The following GNAQ variants were observed in gnomAD, a reference collection of about 807,000 sequenced individuals.
GNAQ encodes guanine nucleotide-binding protein G(q) subunit alpha.
A neutral mutation model predicts 43.9 loss-of-function variants in GNAQ; 8 were observed. That is an observed-to-expected ratio of 0.18 (90% CI 0.11 to 0.33). GNAQ has a LOEUF of 0.33. GNAQ is among the 10% of genes least tolerant of loss of function. GNAQ has a pLI of 1.00. For synonymous variants in GNAQ, 155 were observed against 170.7 expected (o/e 0.91, Z 0.71); for missense variants, 158 against 450.8 (o/e 0.35, Z 5.88).
chr9:78,009,046 G>C (rs1195576665), intron 1 of GNAQ, among the ~76,000 whole-genome samples: 1 of 152,198 alleles, frequency 6.6e-6, no homozygotes, highest in African/African-American at 2.4e-5. Context: ...AGAACCACCT[G>C]CCTTAGGAGG....
chr9:77,773,223 G>A (rs1826253872), intron 5 of GNAQ, among the ~76,000 whole-genome samples: 1 of 152,128 alleles, frequency 6.6e-6, no homozygotes, highest in East Asian at 1.9e-4. Context: ...AACAAATAAT[G>A]ATTAAGCTTA....
intron 1 of GNAQ, among the ~76,000 whole-genome samples, chr9:77,966,152 AG>A (rs954929985): frequency 2.6e-5 from 4 of 152,146 alleles, no homozygotes; most frequent in African/African-American, 9.7e-5. Flanking sequence ...GAATCAGATC[AG>A]TGTTTGGAGG....
At chr9:77,758,300 C>T (rs1166606777) in intron 5 of GNAQ, among the ~76,000 whole-genome samples, 1 of 152,184 alleles carries the variant, frequency 6.6e-6, no homozygotes, top group African/African-American at 2.4e-5. Flanking sequence ...TTACTCAACA[C>T]AGGCATCAAC....
At chr9:77,736,674 TTGTAGGAGAAAAG>T (rs1417605395) in intron 5 of GNAQ, among the ~76,000 whole-genome samples, 1 of 151,838 alleles carries the variant, frequency 6.6e-6, no homozygotes, top group Non-Finnish European at 1.5e-5. Context: ...TCAGAGTGTG[TTGTAGGAGAAAAG>T]TGTAGGAGGA....
intron 5 of GNAQ, among the ~76,000 whole-genome samples, chr9:77,758,699 C>A (rs1309779419): frequency 6.6e-6 from 1 of 151,986 alleles, no homozygotes. Context: ...CTATACTTTG[C>A]TTTTTTCAAT....
At chr9:77,771,631 G>C (rs1826224448) in intron 5 of GNAQ, among the ~76,000 whole-genome samples, 1 of 152,140 alleles carries the variant, frequency 6.6e-6, no homozygotes, top group Admixed American at 6.5e-5. Flanking sequence ...ACTGGCTACA[G>C]AATCTGCAGG....
chr9:77,992,634 A>G (rs1201978781), intron 1 of GNAQ, among the ~76,000 whole-genome samples: 1 of 152,162 alleles, frequency 6.6e-6, no homozygotes, highest in Admixed American at 6.5e-5. Flanking sequence ...TTGAAAAGCT[A>G]GCAGGTTTGA....
intron 3 of GNAQ, among the ~76,000 whole-genome samples, chr9:77,800,599 A>G (rs927212809): frequency 6.6e-6 from 1 of 152,234 alleles, no homozygotes; most frequent in Admixed American, 6.5e-5. Context: ...ATTGGGAGAT[A>G]CACCTAATGC....
At chr9:77,831,726 G>A (rs1398166440) in intron 2 of GNAQ, among the ~76,000 whole-genome samples, 1 of 152,136 alleles carries the variant, frequency 6.6e-6, no homozygotes, top group Non-Finnish European at 1.5e-5. Flanking sequence ...AATGGACACT[G>A]CTATATAGAG....
intron 5 of GNAQ, among the ~76,000 whole-genome samples, chr9:77,745,944 C>T (rs1005673705): frequency 2.6e-5 from 4 of 151,820 alleles, no homozygotes; most frequent in Non-Finnish European, 2.9e-5. Flanking sequence ...AATACCTATA[C>T]CAAAAGAGAT....
At chr9:77,983,250 G>A (rs1823391472) in intron 1 of GNAQ, among the ~76,000 whole-genome samples, 1 of 152,198 alleles carries the variant, frequency 6.6e-6, no homozygotes, top group Non-Finnish European at 1.5e-5. Flanking sequence ...TATCTGTGGA[G>A]TGCTGAGCAT....
intron 1 of GNAQ, among the ~76,000 whole-genome samples, chr9:77,946,734 A>C (rs1267467284): frequency 6.6e-6 from 1 of 152,256 alleles, no homozygotes; most frequent in Admixed American, 6.5e-5. Flanking sequence ...AGCAGTTGCT[A>C]TACGGATCAA....
chr9:77,899,887 T>C (rs1187255557), intron 2 of GNAQ, among the ~76,000 whole-genome samples: 2 of 152,260 alleles, frequency 1.3e-5, no homozygotes, highest in Admixed American at 6.5e-5. Context: ...AAAGACATGA[T>C]CCCTGCCGCC....
intron 1 of GNAQ, among the ~76,000 whole-genome samples, chr9:78,024,124 C>T (rs1054148057): frequency 1.3e-5 from 2 of 152,296 alleles, no homozygotes; most frequent in South Asian, 4.1e-4. Context: ...GTGTGTGTAA[C>T]AGCTTTCCAT....
chr9:77,955,000 C>T (rs765770264), intron 1 of GNAQ, among the ~76,000 whole-genome samples: 2 of 152,302 alleles, frequency 1.3e-5, no homozygotes, highest in African/African-American at 4.8e-5. Context: ...TCCTGCATAA[C>T]CACCGAATAG....
chr9:77,729,502 T>TG (rs1825452963), intron 5 of GNAQ, among the ~76,000 whole-genome samples: 1 of 151,846 alleles, frequency 6.6e-6, no homozygotes, highest in South Asian at 2.1e-4. Context: ...ATCATTCCTC[T>TG]GAAAAAAAAA....
At chr9:77,867,056 T>C (rs1827961698) in intron 2 of GNAQ, among the ~76,000 whole-genome samples, 1 of 152,200 alleles carries the variant, frequency 6.6e-6, no homozygotes, top group Admixed American at 6.5e-5. Context: ...ACATCCTTTC[T>C]ACATTTATCA....
intron 2 of GNAQ, among the ~76,000 whole-genome samples, chr9:77,919,492 C>T (rs1028571754): frequency 1.3e-4 from 20 of 151,984 alleles, no homozygotes; most frequent in African/African-American, 3.9e-4. Flanking sequence ...AGAGAACTCT[C>T]GGAAGAAGAG....
chr9:77,935,572 G>C (rs898182536), intron 1 of GNAQ, among the ~76,000 whole-genome samples: 2 of 152,178 alleles, frequency 1.3e-5, no homozygotes, highest in African/African-American at 4.8e-5. Context: ...TGTTCTTTTA[G>C]GTTATAATTA....
Sources: gnomAD v4.1 joint callset for allele counts (sites outside exome capture counted in the v4.1 genomes callset) on GRCh38, gnomAD v4.1.1 for gene constraint, MANE v1.5 for transcripts, NCBI Gene and HGNC (gene_info 2026-07-23, HGNC 2026-07-21) for gene names.